The following MID1 variants were observed in gnomAD, a reference collection of about 807,000 sequenced individuals.
MID1 encodes E3 ubiquitin-protein ligase Midline-1.
A neutral mutation model predicts 40.4 loss-of-function variants in MID1; 7 were observed. The observed-to-expected ratio is 0.17, with a 90% CI of 0.10 to 0.33. The LOEUF (loss-of-function observed/expected upper bound fraction) is 0.33, where lower values mean the gene tolerates loss of function less well. Among genes scored for constraint, MID1 ranks in the 10% least tolerant of loss-of-function variants. MID1 has a pLI of 1.00. For synonymous variants in MID1, 229 were observed against 221.2 expected (o/e 1.04, Z -0.31); for missense variants, 367 against 558.5 (o/e 0.66, Z 3.46).
At chrX:10,764,263 A>T (rs1254551303) in intron 1 of MID1, among the ~76,000 whole-genome samples, 5 of 111,543 alleles carry the variant, frequency 4.5e-5, no homozygotes, top group African/African-American at 9.8e-5. Context: ...CTGAATGGTA[A>T]TGCCTAGGTT....
chrX:10,611,055 T>G (rs1935728065), intron 1 of MID1, among the ~76,000 whole-genome samples: 1 of 112,070 alleles, frequency 8.9e-6, no homozygotes, highest in Non-Finnish European at 1.9e-5. Flanking sequence ...CTTCAAAGCC[T>G]TAATTAGAAA....
At position 10,659,444 on chromosome X, in the gene MID1, C is replaced by T. The variant is rs192737743; in HGVS notation, c.-186-39025G>A. Among the ~76,000 whole-genome samples the T allele has an allele frequency of 2.7e-5, 3 of 111,782 alleles. No individual in the cohort carries two copies. In the East Asian group the frequency reaches 8.4e-4, roughly 31 times the overall value. The stretch of plus-strand genomic sequence containing the variant: ...ACAGAAGGCACATCTTTCAGAAACA[C>T]AAACATATCAAGGTAAACAATTTCC... On this transcript the variant is annotated intron_variant, in intron 1 of 10. Transcript: ENST00000380785.
chrX:10,477,867 G>C (rs779117886), intron 5 of MID1, among the ~76,000 whole-genome samples: 9 of 112,624 alleles, frequency 8.0e-5, no homozygotes, highest in Non-Finnish European at 1.1e-4. Flanking sequence ...TTGAAAACGT[G>C]CAGTTATCTT....
chrX:10,805,815 T>C (rs1380440368), intron 1 of MID1, among the ~76,000 whole-genome samples: 1 of 107,613 alleles, frequency 9.3e-6, no homozygotes, highest in Non-Finnish European at 1.9e-5. Flanking sequence ...ATTTCTCTGA[T>C]GGCCAGTGAT....
intron 1 of MID1, among the ~76,000 whole-genome samples, chrX:10,602,928 C>A (rs929143603): frequency 8.9e-6 from 1 of 112,463 alleles, no homozygotes; most frequent in Non-Finnish European, 1.9e-5. Flanking sequence ...CTCTTCGCAA[C>A]CTTCCTTTTC....
At chrX:10,788,191 T>C (rs1208382847) in intron 1 of MID1, among the ~76,000 whole-genome samples, 1 of 111,968 alleles carries the variant, frequency 8.9e-6, no homozygotes, top group Non-Finnish European at 1.9e-5. Flanking sequence ...AGTGACTTTG[T>C]AAAGTGTAAT....
intron 1 of MID1, among the ~76,000 whole-genome samples, chrX:10,750,884 C>T (rs954531515): frequency 9.0e-6 from 1 of 110,816 alleles, no homozygotes; most frequent in Non-Finnish European, 1.9e-5. Context: ...GAAAATAAAA[C>T]GATTTAGAAT....
chrX:10,555,151 C>T (rs1380114691), intron 2 of MID1, among the ~76,000 whole-genome samples: 2 of 111,572 alleles, frequency 1.8e-5, no homozygotes, highest in African/African-American at 3.3e-5. Context: ...GAGGAAAGCA[C>T]GTGAGAAGGG....
chrX:10,703,947 T>G (rs2043209217), intron 1 of MID1, among the ~76,000 whole-genome samples: 1 of 112,366 alleles, frequency 8.9e-6, no homozygotes, highest in African/African-American at 3.2e-5. Context: ...CAGTGTCTGA[T>G]GAATGAAATG....
intron 2 of MID1, among the ~76,000 whole-genome samples, chrX:10,544,465 G>A (rs1933605250): frequency 8.9e-6 from 1 of 112,309 alleles, no homozygotes; most frequent in Admixed American, 9.4e-5. Context: ...AGCATGCTTG[G>A]AATTTCTTAC....
At chrX:10,451,627 G>C (rs1928345743) in intron 9 of MID1, among the ~76,000 whole-genome samples, 1 of 111,784 alleles carries the variant, frequency 8.9e-6, no homozygotes, top group African/African-American at 3.3e-5. Context: ...GAGGGACCCG[G>C]TGGAAGGAAA....
At chrX:10,646,536 AG>A (rs1445849873) in intron 1 of MID1, among the ~76,000 whole-genome samples, 1 of 111,395 alleles carries the variant, frequency 9.0e-6, no homozygotes, top group African/African-American at 3.3e-5. Flanking sequence ...GGAAAACCAT[AG>A]GGGAAGGAAA....
At chrX:10,788,221 A>T (rs1003959666) in intron 1 of MID1, among the ~76,000 whole-genome samples, 1 of 111,963 alleles carries the variant, frequency 8.9e-6, no homozygotes, top group African/African-American at 3.2e-5. Flanking sequence ...TAAATTATGT[A>T]TAAAATAGTA....
At chrX:10,785,564 C>G (rs1330594959) in intron 1 of MID1, among the ~76,000 whole-genome samples, 1 of 111,532 alleles carries the variant, frequency 9.0e-6, no homozygotes, top group Non-Finnish European at 1.9e-5. Context: ...TGACTTCAAA[C>G]TATACTACAA....
At chrX:10,778,379 G>GAT (rs748263064) in intron 1 of MID1, among the ~76,000 whole-genome samples, 3 of 110,594 alleles carry the variant, frequency 2.7e-5, no homozygotes, top group African/African-American at 6.6e-5. Context: ...GTATATATGA[G>GAT]ATATATATAT....
chrX:10,466,181 T>G (rs1402206065), intron 7 of MID1, among the ~76,000 whole-genome samples: 1 of 112,216 alleles, frequency 8.9e-6, no homozygotes, highest in Non-Finnish European at 1.9e-5. Context: ...TTCACGTGCT[T>G]CTTTTCTCTT....
intron 1 of MID1, among the ~76,000 whole-genome samples, chrX:10,819,014 G>A (rs2044156956): frequency 8.9e-6 from 1 of 112,051 alleles, no homozygotes; most frequent in Non-Finnish European, 1.9e-5. Context: ...AAATTGAGGG[G>A]TGTGAAAACC....
In MID1 at chrX:10,520,235, C is replaced by T. The variant is rs188059730; in HGVS notation, c.756+2857G>A. Reference sequence around the variant, plus strand: ...CCATACTCCATCTAATCTAAGATACCAGCAACTGTCTCATCTATATTTTGT... The same window carrying T: ...CCATACTCCATCTAATCTAAGATACTAGCAACTGTCTCATCTATATTTTGT... On this transcript the variant is annotated intron_variant, in intron 3 of 9. Coordinates refer to ENST00000317552, the MANE Select transcript of MID1 (RefSeq NM_000381.4). Among the ~76,000 whole-genome samples the T allele has an allele frequency of 1.0e-3, 115 of 111,644 alleles. 1 individual carries two copies. Among genetic ancestry groups the T allele is most frequent in the African/African-American group, 3.6e-3 (112 of 30,760 alleles).
At chrX:10,689,099 T>G (rs771074897) in intron 1 of MID1, among the ~76,000 whole-genome samples, 1 of 110,641 alleles carries the variant, frequency 9.0e-6, no homozygotes, top group South Asian at 3.9e-4. Flanking sequence ...TCTGATTAGA[T>G]TATGTTACAC....
Sources: gnomAD v4.1 joint callset for allele counts (sites outside exome capture counted in the v4.1 genomes callset) on GRCh38, gnomAD v4.1.1 for gene constraint, MANE v1.5 for transcripts, NCBI Gene and HGNC (gene_info 2026-07-23, HGNC 2026-07-21) for gene names.